ARK2C: variants seen among roughly 807,000 people sequenced by gnomAD.
ARK2C encodes E3 ubiquitin-protein ligase ARK2C.
At chr18:46,367,545 A>G in the ARK2C span, among the ~76,000 whole-genome samples, 1 of 152,152 alleles carries the variant, frequency 6.6e-6, no homozygotes, top group African/African-American at 2.4e-5. Context: ...AGGTGGGTCT[A>G]TTGGACCCAT....
chr18:46,419,050 G>A, the ARK2C span, among the ~76,000 whole-genome samples: 2 of 152,210 alleles, frequency 1.3e-5, no homozygotes, highest in East Asian at 1.9e-4. Context: ...TAGTGGGAAC[G>A]CTATTACTGG....
At chr18:46,420,841 A>G in the ARK2C span, among the ~76,000 whole-genome samples, 3 of 151,600 alleles carry the variant, frequency 2.0e-5, no homozygotes, top group African/African-American at 7.3e-5. Flanking sequence ...GCAGGACTCC[A>G]TCTTAAAAAA....
chr18:46,336,661 C>T, the ARK2C span: 5 of 985,414 alleles, frequency 5.1e-6, no homozygotes, highest in Non-Finnish European at 6.0e-6. Context: ...TAGGCCATTT[C>T]AGAATAGATG....
At chr18:46,433,129 GGTCA>G in the ARK2C span, 12 of 1,350,954 alleles carry the variant, frequency 8.9e-6, no homozygotes, top group South Asian at 1.8e-4. Context: ...TGGGCACAAG[GGTCA>G]GTGTGGCGGC....
the ARK2C span, among the ~76,000 whole-genome samples, chr18:46,433,921 C>T: frequency 6.6e-6 from 1 of 152,218 alleles, no homozygotes. Context: ...CTGCCTGATT[C>T]TAACACCCAA....
the ARK2C span, among the ~76,000 whole-genome samples, chr18:46,402,691 A>G: frequency 9.3e-3 from 1,412 of 152,258 alleles, 19 homozygotes; most frequent in African/African-American, 0.032. Context: ...TGTAGACACA[A>G]GGTTTTGCCA....
the ARK2C span, among the ~76,000 whole-genome samples, chr18:46,389,759 C>T: frequency 1.3e-5 from 2 of 151,766 alleles, no homozygotes; most frequent in African/African-American, 4.8e-5. Context: ...GACAAGGTCT[C>T]ACACTGTCAC....
chr18:46,380,224 G>A, the ARK2C span, among the ~76,000 whole-genome samples: 1 of 152,198 alleles, frequency 6.6e-6, no homozygotes, highest in Non-Finnish European at 1.5e-5. Flanking sequence ...GGCTGTGCCA[G>A]TCTCCTCTCC....
chr18:46,418,076 G>T, the ARK2C span, among the ~76,000 whole-genome samples: 1 of 151,938 alleles, frequency 6.6e-6, no homozygotes, highest in Non-Finnish European at 1.5e-5. Context: ...GTGAAAACAG[G>T]CTAAGTGTGG....
At chr18:46,445,778 T>A in the ARK2C span, among the ~76,000 whole-genome samples, 18 of 152,210 alleles carry the variant, frequency 1.2e-4, no homozygotes, top group Non-Finnish European at 2.2e-4. Flanking sequence ...TTATATAACG[T>A]CTGAAAACAG....
chr18:46,450,245 A>G, the ARK2C span: 2 of 1,215,680 alleles, frequency 1.6e-6, no homozygotes, highest in Admixed American at 3.4e-5. Flanking sequence ...TGCTGGGCTC[A>G]TGGAGAAACC....
chr18:46,359,734 T>C, the ARK2C span, among the ~76,000 whole-genome samples: 74 of 152,336 alleles, frequency 4.9e-4, no homozygotes, highest in African/African-American at 1.7e-3. Context: ...AGGCTCCTTC[T>C]ACTTATTGCT....
At chr18:46,348,219 G>C in the ARK2C span, among the ~76,000 whole-genome samples, 3 of 127,868 alleles carry the variant, frequency 2.3e-5, no homozygotes, top group African/African-American at 8.5e-5. Context: ...GGCGTTGTGG[G>C]CCAAGGGGCT....
chr18:46,356,166 AT>A, the ARK2C span, among the ~76,000 whole-genome samples: 3 of 152,210 alleles, frequency 2.0e-5, no homozygotes, highest in African/African-American at 7.2e-5. Flanking sequence ...TGAAAAACAA[AT>A]TGCCTTATTG....
chr18:46,421,281 GT>G, the ARK2C span, among the ~76,000 whole-genome samples: 1 of 152,202 alleles, frequency 6.6e-6, no homozygotes, highest in South Asian at 2.1e-4. Context: ...ATTCCATGCA[GT>G]TTTAAAATGC....
At chr18:46,424,059 C>G in the ARK2C span, among the ~76,000 whole-genome samples, 1 of 152,192 alleles carries the variant, frequency 6.6e-6, no homozygotes, top group Admixed American at 6.5e-5. Flanking sequence ...ACACTCACTT[C>G]GCAACTTTAT....
chr18:46,384,280 C>G, the ARK2C span, among the ~76,000 whole-genome samples: 1 of 152,216 alleles, frequency 6.6e-6, no homozygotes, highest in African/African-American at 2.4e-5. Context: ...CTGGGATGCC[C>G]AAGGCCTCAC....
the ARK2C span, among the ~76,000 whole-genome samples, chr18:46,443,557 C>T: frequency 1.1e-4 from 17 of 152,304 alleles, no homozygotes; most frequent in African/African-American, 4.1e-4. Flanking sequence ...AAATTATGGC[C>T]TGTGAATCAA....
At chr18:46,433,550 G>T in the ARK2C span, 1 of 1,524,032 alleles carries the variant, frequency 6.6e-7, no homozygotes, top group Non-Finnish European at 8.9e-7. Flanking sequence ...ATGGGGTCGG[G>T]TGAGGGGGCA....
Sources: gnomAD v4.1 joint callset for allele counts (sites outside exome capture counted in the v4.1 genomes callset) on GRCh38, gnomAD v4.1.1 for gene constraint, MANE v1.5 for transcripts, NCBI Gene and HGNC (gene_info 2026-07-23, HGNC 2026-07-21) for gene names.